Variants in UBL3 observed in about 807,000 individuals in gnomAD.
The protein encoded by UBL3 is ubiquitin-like protein 3.
A neutral mutation model predicts 18.4 loss-of-function variants in UBL3; 6 were observed. The ratio of observed to expected loss-of-function variants is 0.33; its 90% CI spans 0.18 to 0.64. The LOEUF (loss-of-function observed/expected upper bound fraction) is 0.64, where lower values mean the gene tolerates loss of function less well. UBL3 is among the 30% of genes least tolerant of loss of function. The pLI is 0.76. For missense variants in UBL3, 109 were observed against 142.9 expected (o/e 0.76, Z 1.21); for synonymous variants, 49 against 46.6 (o/e 1.05, Z -0.21).
chr13:29,834,252 A>G (rs1166386415), intron 1 of UBL3, among the ~76,000 whole-genome samples: 1 of 152,134 alleles, frequency 6.6e-6, no homozygotes, highest in African/African-American at 2.4e-5. Context: ...AATCATAAAA[A>G]TGATACCTAA....
rs1384306448 is a variant in UBL3, at chr13:29,850,617, T to A, written c.-1079A>T. 1.3e-5 allele frequency: 2 copies of A among 154,010 alleles called. No individual in the cohort carries two copies. Among genetic ancestry groups the A allele is most frequent in the African/African-American group, 4.8e-5 (2 of 41,256 alleles). The allele number at this position is 154,010 out of a possible 1,614,324, so 9.5% of individuals were successfully genotyped here. The stretch of plus-strand genomic sequence containing the variant: ...GCGGCGGCGGCTGCCTGAGTGCGAC[T>A]AAGGGAAACGGGGAGAGCACGGGCC... On this transcript the variant is annotated 5_prime_UTR_variant, in exon 1 of 5. Transcript: ENST00000380680.
rs1362199794 is a variant in UBL3 at position 29,765,343 on chromosome 13, C to A, written c.*1912G>T. ...AACACTAACAGAATTCACATTTCAG[C>A]TAGTCAACAAAGCATATAAATATTT... On this transcript the variant is annotated 3_prime_UTR_variant, in exon 5 of 5. Transcript: ENST00000380680. 6.6e-6 allele frequency: 1 copy of A among 152,070 alleles called. No homozygotes were observed. Among genetic ancestry groups the A allele is most frequent in the Non-Finnish European group, 1.5e-5 (1 of 67,972 alleles). 9.4% of individuals were successfully genotyped at this position (152,070 alleles called of 1,614,324 possible).
chr13:29,835,409 C>T (rs1878936635), intron 1 of UBL3, among the ~76,000 whole-genome samples: 1 of 151,172 alleles, frequency 6.6e-6, no homozygotes, highest in East Asian at 1.9e-4. Context: ...TAAGCAAAGA[C>T]TCTGTGATGC....
intron 4 of UBL3, 149 bp downstream of exon 4, chr13:29,767,469 G>A: frequency 1.7e-6 from 2 of 1,178,580 alleles, no homozygotes; most frequent in Non-Finnish European, 2.4e-6. Flanking sequence ...ATTTTAGCAT[G>A]TTTCAAAAAT....
chr13:29,848,612 A>G (rs900120472), intron 1 of UBL3, among the ~76,000 whole-genome samples: 3 of 152,234 alleles, frequency 2.0e-5, no homozygotes, highest in Non-Finnish European at 4.4e-5. Context: ...TTTCATAAAC[A>G]GGATTATTCC....
intron 2 of UBL3, among the ~76,000 whole-genome samples, chr13:29,775,934 A>T (rs1876975335): frequency 6.6e-6 from 1 of 150,604 alleles, no homozygotes; most frequent in Admixed American, 6.6e-5. Context: ...TTATTATATA[A>T]AAAAAAAATC....
intron 1 of UBL3, among the ~76,000 whole-genome samples, chr13:29,839,796 G>A (rs1035550432): frequency 4.6e-5 from 7 of 151,844 alleles, no homozygotes; most frequent in East Asian, 1.9e-4. Flanking sequence ...GCGTGGTGGC[G>A]GGTGCCTGTA....
chr13:29,808,412 A>G (rs1221334016), intron 1 of UBL3, among the ~76,000 whole-genome samples: 2 of 152,136 alleles, frequency 1.3e-5, no homozygotes, highest in South Asian at 2.1e-4. Context: ...AGACATTCTA[A>G]TATGTTACCA....
chr13:29,808,454 CA>C (rs2139338655), intron 1 of UBL3, among the ~76,000 whole-genome samples: 1 of 152,250 alleles, frequency 6.6e-6, no homozygotes, highest in African/African-American at 2.4e-5. Flanking sequence ...TTTCACTGTA[CA>C]GCCTGGGTTT....
intron 1 of UBL3, among the ~76,000 whole-genome samples, chr13:29,844,300 A>G (rs1879179404): frequency 6.6e-6 from 1 of 152,218 alleles, no homozygotes; most frequent in South Asian, 2.1e-4. Context: ...AGAAGTTCTC[A>G]TATTTACTTC....
At chr13:29,776,233 G>GT (rs964783505) in intron 2 of UBL3, among the ~76,000 whole-genome samples, 2,050 of 131,824 alleles carry the variant, frequency 0.016, 42 homozygotes, top group African/African-American at 0.052. Flanking sequence ...ACTATTTTGT[G>GT]TTTTTTTTTC....
intron 1 of UBL3, among the ~76,000 whole-genome samples, chr13:29,785,947 G>A (rs1189189679): frequency 6.6e-6 from 1 of 152,194 alleles, no homozygotes; most frequent in Non-Finnish European, 1.5e-5. Context: ...AGATTCCTGA[G>A]TAGGGTGTGG....
chr13:29,778,677 A>G (rs1466231727), intron 1 of UBL3, among the ~76,000 whole-genome samples: 2 of 152,220 alleles, frequency 1.3e-5, no homozygotes, highest in Non-Finnish European at 2.9e-5. Context: ...GGTGCCTATT[A>G]CAGCAGTCAC....
At chr13:29,837,704 CG>C (rs1426106574) in intron 1 of UBL3, among the ~76,000 whole-genome samples, 1 of 151,730 alleles carries the variant, frequency 6.6e-6, no homozygotes, top group Non-Finnish European at 1.5e-5. Flanking sequence ...CTGAGGCAGG[CG>C]GATCACTTGA....
intron 1 of UBL3, among the ~76,000 whole-genome samples, chr13:29,798,654 G>C (rs1486980537): frequency 1.3e-5 from 2 of 152,174 alleles, no homozygotes; most frequent in African/African-American, 4.8e-5. Flanking sequence ...TCTGAATCAA[G>C]TGTAATTAGA....
chr13:29,826,569 CTATT>C (rs952588946), intron 1 of UBL3, among the ~76,000 whole-genome samples: 5 of 151,758 alleles, frequency 3.3e-5, no homozygotes, highest in African/African-American at 1.2e-4. Context: ...TTTATTGCTT[CTATT>C]TGATTCTTCT....
rs1009550476 is a variant in UBL3, at chr13:29,764,546, C to T, written c.*2709G>A. 1.2e-4 allele frequency: 19 copies of T among 152,248 alleles called. No individual in the cohort carries two copies. The highest frequency in any genetic ancestry group is 3.9e-4 in the African/African-American group (16 of 41,534). The allele number at this position is 152,248 out of a possible 1,614,324, so 9.4% of individuals were successfully genotyped here. ...AATGTTATGAGGAAACTTCATTTAA[C>T]GTGAATGGTAATGTTAGATACTGTA... On this transcript the variant is annotated 3_prime_UTR_variant, in exon 5 of 5. Coordinates refer to ENST00000380680, the MANE Select transcript of UBL3 (RefSeq NM_007106.4).
rs1330154039 is a variant in UBL3, at chr13:29,764,957, T to A, written c.*2298A>T. On this transcript the variant is annotated 3_prime_UTR_variant, in exon 5 of 5. Transcript: ENST00000380680. ...TAAGGCATCTAAATTTTTGGTGTTT[T>A]CAGTATATAATTTTACTGCTACTTT... 1 of 152,154 alleles carries A rather than the reference T, an allele frequency of 6.6e-6. No individual in the cohort carries two copies. The highest frequency in any genetic ancestry group is 1.5e-5 in the Non-Finnish European group (1 of 68,012). The allele number at this position is 152,154 out of a possible 1,614,324, so 9.4% of individuals were successfully genotyped here. A position where few individuals can be genotyped will look rare whatever the true frequency, so the allele number is the denominator to read the frequency against.
intron 1 of UBL3, among the ~76,000 whole-genome samples, chr13:29,777,995 G>T (rs1019272723): frequency 6.6e-6 from 1 of 152,114 alleles, no homozygotes; most frequent in Admixed American, 6.5e-5. Flanking sequence ...TTGAACTCCT[G>T]ACCTCAAGTG....
Sources: allele counts gnomAD v4.1 joint callset (sites outside exome capture counted in the v4.1 genomes callset), GRCh38; gene constraint gnomAD v4.1.1; transcripts MANE v1.5; gene names NCBI Gene and HGNC (gene_info 2026-07-23, HGNC 2026-07-21).